CACNA2D2: variants seen among roughly 807,000 people sequenced by gnomAD.
CACNA2D2 encodes voltage-dependent calcium channel subunit alpha-2/delta-2.
A neutral mutation model predicts 166.4 loss-of-function variants in CACNA2D2; 48 were observed. The ratio of observed to expected loss-of-function variants is 0.29; its 90% CI spans 0.23 to 0.37. The LOEUF (loss-of-function observed/expected upper bound fraction) is 0.37, where lower values mean the gene tolerates loss of function less well. Ranked by LOEUF, CACNA2D2 falls within the 10% of genes least tolerant of loss-of-function variation. The probability of loss-of-function intolerance (pLI) is 1.00; values close to 1 mark genes in which losing one functional copy is unlikely to be tolerated. For missense variants in CACNA2D2, 1,122 were observed against 1,433.0 expected (o/e 0.78, Z 3.50); for synonymous variants, 561 against 573.7 (o/e 0.98, Z 0.32).
At chr3:50,374,187 G>A (rs1400550834) in intron 22 of CACNA2D2, among the ~76,000 whole-genome samples, 1 of 28,166 alleles carries the variant, frequency 3.6e-5, no homozygotes, top group Non-Finnish European at 7.5e-5. Flanking sequence ...GAGAGGAGGT[G>A]GAGGGAGGAA....
intron 2 of CACNA2D2, among the ~76,000 whole-genome samples, chr3:50,471,639 T>C: frequency 6.6e-6 from 1 of 152,042 alleles, no homozygotes; most frequent in East Asian, 1.9e-4. Flanking sequence ...CAGATGTTGG[T>C]GGTGCCGGCT....
Position 50,366,778 on chromosome 3 carries a change from G to T in CACNA2D2, c.2589+53C>A. On this transcript the variant is annotated intron_variant, in intron 29 of 37. Transcript: ENST00000424201. This position sits in a 1 kb window ranked among gnomAD's most constrained non-coding sequence, Gnocchi z 5.9. ...AGTGGAGGGTTGGTGGGGGTTCCAG[G>T]GGACTCCAGGAAGGGCACTGCTGGG... The T allele has an allele frequency of 1.3e-6, 2 of 1,582,512 alleles. No individual in the cohort carries two copies. The highest frequency in any genetic ancestry group is 2.3e-5 in the East Asian group (1 of 44,156).
chr3:50,411,985 C>T (rs1707042066), intron 3 of CACNA2D2, among the ~76,000 whole-genome samples: 1 of 152,142 alleles, frequency 6.6e-6, no homozygotes, highest in South Asian at 2.1e-4. Context: ...AAACACCTTC[C>T]CATGGCAAGC....
In CACNA2D2 at chr3:50,374,832, G is replaced by T; in HGVS notation, c.1908-19C>A. 6.4e-7 allele frequency: 1 copy of T among 1,572,872 alleles called. No homozygotes were observed. Among genetic ancestry groups the T allele is most frequent in the East Asian group, 2.3e-5 (1 of 42,772 alleles). On this transcript the variant is annotated intron_variant, in intron 21 of 37. Coordinates refer to ENST00000424201, the MANE Select transcript of CACNA2D2 (RefSeq NM_006030.4). ...CCCCAGGCTGAGGGGGGAGAAGCTCGGGTCACGGCTGGGGGGAGGCGGGCC... is the reference window on the plus strand; with the variant it reads ...CCCCAGGCTGAGGGGGGAGAAGCTCTGGTCACGGCTGGGGGGAGGCGGGCC...
At chr3:50,438,447 C>G (rs1708445096) in intron 2 of CACNA2D2, among the ~76,000 whole-genome samples, 1 of 152,212 alleles carries the variant, frequency 6.6e-6, no homozygotes, top group Admixed American at 6.5e-5. Flanking sequence ...GGGCTGATGC[C>G]TCCTTAGAAG....
chr3:50,496,230 C>T (rs879543196), intron 1 of CACNA2D2, among the ~76,000 whole-genome samples: 8 of 152,234 alleles, frequency 5.3e-5, no homozygotes, highest in Admixed American at 2.0e-4. Context: ...CAAGCACATG[C>T]CCGCATTTGA....
At chr3:50,496,692 C>A (rs1698739027) in intron 1 of CACNA2D2, among the ~76,000 whole-genome samples, 1 of 152,258 alleles carries the variant, frequency 6.6e-6, no homozygotes, top group East Asian at 1.9e-4. Flanking sequence ...CACACCCCAA[C>A]CCTATGTGGC....
intron 3 of CACNA2D2, among the ~76,000 whole-genome samples, chr3:50,411,556 GT>G (rs1223280778): frequency 6.6e-6 from 1 of 152,192 alleles, no homozygotes; most frequent in Non-Finnish European, 1.5e-5. Context: ...TGTGATTCTA[GT>G]TTTCACTTAT....
intron 2 of CACNA2D2, among the ~76,000 whole-genome samples, chr3:50,463,187 C>CA (rs1709670728): frequency 6.6e-6 from 1 of 152,176 alleles, no homozygotes; most frequent in Non-Finnish European, 1.5e-5. Flanking sequence ...CCAACACTCC[C>CA]AAAAGTTGGC....
chr3:50,377,402 C>T (rs908153695), intron 17 of CACNA2D2, 65 bp downstream of exon 17: 2 of 1,371,678 alleles, frequency 1.5e-6, no homozygotes, highest in Admixed American at 3.5e-5. Flanking sequence ...CATCAGTCTT[C>T]TCTGCTGAGC....
chr3:50,408,102 C>T (rs181640423), intron 3 of CACNA2D2, among the ~76,000 whole-genome samples: 11 of 152,330 alleles, frequency 7.2e-5, no homozygotes, highest in South Asian at 2.1e-4. Context: ...CCCATTCCCC[C>T]GACGAGGTCA....
At chr3:50,469,359 G>C (rs1709967747) in intron 2 of CACNA2D2, among the ~76,000 whole-genome samples, 1 of 147,816 alleles carries the variant, frequency 6.8e-6, no homozygotes, top group East Asian at 1.9e-4. Context: ...GCCCCAGCTT[G>C]GTGGCCTTTG....
At chr3:50,438,238 C>T (rs542704741) in intron 2 of CACNA2D2, among the ~76,000 whole-genome samples, 50 of 152,304 alleles carry the variant, frequency 3.3e-4, no homozygotes, top group African/African-American at 1.2e-3. Context: ...GTTTCATGTA[C>T]TGGTGACCAT....
intron 23 of CACNA2D2, among the ~76,000 whole-genome samples, chr3:50,368,741 G>A (rs1401564212): frequency 6.6e-6 from 1 of 152,230 alleles, no homozygotes; most frequent in Non-Finnish European, 1.5e-5. Context: ...GAGGGTGTCA[G>A]AAAGTCAGTG....
At chr3:50,418,552 G>A (rs945644655) in intron 3 of CACNA2D2, among the ~76,000 whole-genome samples, 1 of 152,220 alleles carries the variant, frequency 6.6e-6, no homozygotes, top group Non-Finnish European at 1.5e-5. Flanking sequence ...GGCCGGTCAG[G>A]GTGTCCTCAG....
At chr3:50,439,380 A>G (rs1392943760) in intron 2 of CACNA2D2, among the ~76,000 whole-genome samples, 1 of 152,232 alleles carries the variant, frequency 6.6e-6, no homozygotes, top group African/African-American at 2.4e-5. Flanking sequence ...GAACAGCCCT[A>G]ATCTCTGGAA....
At chr3:50,489,413 C>T (rs1698428219) in intron 1 of CACNA2D2, among the ~76,000 whole-genome samples, 1 of 152,200 alleles carries the variant, frequency 6.6e-6, no homozygotes. Flanking sequence ...GCTTAATGGC[C>T]TTTGGGATTG....
chr3:50,379,396 C>T lies in CACNA2D2; in HGVS notation c.1152+36G>A. ...GTACACCAAGCCAGGGCCCTCTACT[C>T]CCCCAGCCGCCCACTTGCCCACCCA... On this transcript the variant is annotated intron_variant, in intron 11 of 37. Transcript: ENST00000424201. This position sits in a 1 kb window ranked among gnomAD's most constrained non-coding sequence, Gnocchi z 6.5. 6.2e-7 allele frequency: 1 copy of T among 1,607,104 alleles called. No individual in the cohort carries two copies. Among genetic ancestry groups the T allele is most frequent in the South Asian group, 1.1e-5 (1 of 90,546 alleles).
At chr3:50,416,474 G>C (rs1439019867) in intron 3 of CACNA2D2, among the ~76,000 whole-genome samples, 1 of 152,216 alleles carries the variant, frequency 6.6e-6, no homozygotes, top group Admixed American at 6.5e-5. Flanking sequence ...TGTGAGCTCA[G>C]AGCTCCACGG....
Sources: gnomAD v4.1 joint callset for allele counts (sites outside exome capture counted in the v4.1 genomes callset) on GRCh38, gnomAD v4.1.1 for gene constraint, Gnocchi (gnomAD v3.1) non-coding constraint, MANE v1.5 for transcripts, NCBI Gene and HGNC (gene_info 2026-07-23, HGNC 2026-07-21) for gene names.